MYRIP: variants seen among roughly 807,000 people sequenced by gnomAD.
MYRIP encodes rab effector MyRIP.
In MYRIP, 49 loss-of-function variants were observed where a neutral mutation model predicts 98.0. The ratio of observed to expected loss-of-function variants is 0.50; its 90% CI spans 0.40 to 0.63. MYRIP has a LOEUF of 0.63. Among genes scored for constraint, MYRIP ranks in the 30% least tolerant of loss-of-function variants. The pLI is 0.00. For synonymous variants in MYRIP, 404 were observed against 409.5 expected (o/e 0.99, Z 0.16); for missense variants, 1,004 against 1,058.2 (o/e 0.95, Z 0.71).
intron 11 of MYRIP, among the ~76,000 whole-genome samples, chr3:40,230,732 T>C (rs1390338641): frequency 3.3e-5 from 5 of 152,172 alleles, no homozygotes; most frequent in Admixed American, 2.0e-4. Flanking sequence ...GATTCCAGTT[T>C]GCCTTTCCCA....
Position 40,129,140 on chromosome 3 carries a change from G to GA in MYRIP, c.333-21898dup, listed in dbSNP as rs200546163. Among the ~76,000 whole-genome samples, 1,368 of 147,614 alleles carry GA rather than the reference G, an allele frequency of 9.3e-3. 21 individuals are homozygous for GA. The highest frequency in any genetic ancestry group is 0.029 in the African/African-American group (1,176 of 40,266). On this transcript the variant is annotated intron_variant, in intron 3 of 16. Coordinates refer to ENST00000302541, the MANE Select transcript of MYRIP (RefSeq NM_015460.4). ...AGTGGATTGTGGTCAAAATTTAAAA[G>GA]AAAAAAAAAATCATGACTGGGCACA...
At chr3:40,100,129 T>G (rs1199432449) in intron 3 of MYRIP, 1 of 985,322 alleles carries the variant, frequency 1.0e-6, no homozygotes, top group Non-Finnish European at 1.2e-6. Context: ...TTTCTGGCCA[T>G]GAGGACATGG....
At chr3:39,910,574 A>G (rs1354329087) in intron 2 of MYRIP, among the ~76,000 whole-genome samples, 1 of 152,232 alleles carries the variant, frequency 6.6e-6, no homozygotes, top group Non-Finnish European at 1.5e-5. Context: ...GTGTAGTCTA[A>G]GTGTGAAATA....
chr3:40,036,899 C>T (rs764295753), intron 2 of MYRIP, among the ~76,000 whole-genome samples: 7 of 152,054 alleles, frequency 4.6e-5, no homozygotes, highest in African/African-American at 9.6e-5. Context: ...TTGTTGATGA[C>T]GAGACATCTG....
intron 11 of MYRIP, among the ~76,000 whole-genome samples, chr3:40,223,350 C>G (rs530179936): frequency 1.3e-5 from 2 of 152,244 alleles, no homozygotes; most frequent in South Asian, 4.1e-4. Flanking sequence ...TTTAAAGGTA[C>G]AGTAATTAAA....
chr3:40,209,913 C>G lies in MYRIP; in HGVS notation c.1725C>G (p.Leu575=). ...ISNEARDPQT[L]TDTTEEKRRN... ...ATGAGGCTCGGGATCCCCAGACTCT[C>G]ACAGACACCACAGAGGAGAAACGGA... Residue 575 remains leucine (L), a synonymous_variant, in exon 11 of 17, where the codon CTC becomes CTG. Transcript: ENST00000302541. 6.2e-7 allele frequency: 1 copy of G among 1,613,962 alleles called. No homozygotes were observed. The highest frequency in any genetic ancestry group is 2.2e-5 in the East Asian group (1 of 44,868).
At chr3:40,036,927 T>A (rs982811116) in intron 2 of MYRIP, among the ~76,000 whole-genome samples, 15 of 152,018 alleles carry the variant, frequency 9.9e-5, no homozygotes, top group African/African-American at 3.6e-4. Flanking sequence ...TATACATTAG[T>A]CCAAATATGC....
intron 2 of MYRIP, among the ~76,000 whole-genome samples, chr3:40,031,142 T>C (rs950053440): frequency 1.3e-5 from 2 of 152,232 alleles, no homozygotes; most frequent in South Asian, 2.1e-4. Context: ...AAGATAAAGA[T>C]GTCAGCTGAT....
chr3:40,028,166 C>T (rs1352367192), intron 2 of MYRIP, among the ~76,000 whole-genome samples: 1 of 152,158 alleles, frequency 6.6e-6, no homozygotes, highest in African/African-American at 2.4e-5. Flanking sequence ...ATGCTTTACC[C>T]TCTAACAACC....
At chr3:40,002,915 CATAT>C (rs1034473127) in intron 2 of MYRIP, among the ~76,000 whole-genome samples, 4 of 151,666 alleles carry the variant, frequency 2.6e-5, no homozygotes, top group South Asian at 2.1e-4. Flanking sequence ...TACAAGTATG[CATAT>C]ATAGACATAT....
At chr3:40,203,129 A>G (rs141587994) in intron 10 of MYRIP, among the ~76,000 whole-genome samples, 164 of 151,900 alleles carry the variant, frequency 1.1e-3, no homozygotes, top group African/African-American at 3.8e-3. Context: ...ACAGGGTTTC[A>G]CCATGCTGGC....
At chr3:39,814,318 G>A (rs1940805010) in intron 1 of MYRIP, among the ~76,000 whole-genome samples, 1 of 152,142 alleles carries the variant, frequency 6.6e-6, no homozygotes, top group Admixed American at 6.5e-5. Flanking sequence ...AGCTTGGAAT[G>A]TATTTTACTG....
intron 3 of MYRIP, among the ~76,000 whole-genome samples, chr3:40,062,610 TA>T (rs1948041945): frequency 6.6e-6 from 1 of 152,230 alleles, no homozygotes; most frequent in Admixed American, 6.5e-5. Context: ...CAGATAAGGT[TA>T]ACTCTGGATT....
At chr3:39,989,991 G>T (rs182284160) in intron 2 of MYRIP, among the ~76,000 whole-genome samples, 1 of 152,192 alleles carries the variant, frequency 6.6e-6, no homozygotes, top group Non-Finnish European at 1.5e-5. Flanking sequence ...GAGTCCAAAC[G>T]GCTTAGACAG....
At position 39,905,878 on chromosome 3, in the gene MYRIP, A is replaced by G. The variant is rs971174915; in HGVS notation, c.110+4952A>G. ...AATTAATTGTTTTTATTTCTTTGCT[A>G]TTATTGGAAAGTGGTCTTGAGAGGG... On this transcript the variant is annotated intron_variant, in intron 2 of 16. Transcript: ENST00000302541. 6.6e-5 allele frequency among the ~76,000 whole-genome samples: 10 copies of G among 151,546 alleles called. No homozygotes were observed. The East Asian group carries it at 1.9e-3, about 29-fold the overall frequency.
At chr3:40,127,013 A>G (rs1035019857) in intron 3 of MYRIP, among the ~76,000 whole-genome samples, 3 of 152,240 alleles carry the variant, frequency 2.0e-5, no homozygotes, top group Admixed American at 6.5e-5. Flanking sequence ...TGTAACAAAC[A>G]TGAGTCCCAA....
At chr3:40,069,891 G>T (rs1217051160) in intron 3 of MYRIP, among the ~76,000 whole-genome samples, 1 of 152,192 alleles carries the variant, frequency 6.6e-6, no homozygotes, top group Non-Finnish European at 1.5e-5. Context: ...TGGCCTGGAG[G>T]TTGGGGACCC....
rs1948385053 is a variant in MYRIP at position 40,077,907 on chromosome 3, GCGCCCT to G, written c.332+33637_332+33642del. 2.4e-5 allele frequency among the ~76,000 whole-genome samples: 3 copies of G among 123,856 alleles called. No individual in the cohort carries two copies. In the South Asian group the frequency reaches 7.3e-4, roughly 30 times the overall value. 81.3% of individuals were successfully genotyped at this position (123,856 alleles called of 152,430 possible). ...GCAGGTGGAGCTGCCTGCCAGTCCC[GCGCCCT>G]GCGCCCTGCGCCCGCACTCCTCAGC... On this transcript the variant is annotated intron_variant, in intron 3 of 16. Coordinates refer to ENST00000302541, the MANE Select transcript of MYRIP (RefSeq NM_015460.4).
At chr3:40,026,438 G>A (rs948737876) in intron 2 of MYRIP, among the ~76,000 whole-genome samples, 4 of 152,066 alleles carry the variant, frequency 2.6e-5, no homozygotes. Flanking sequence ...CAATCAATTT[G>A]TACACTTAAC....
Sources: gnomAD v4.1 joint callset for allele counts (sites outside exome capture counted in the v4.1 genomes callset) on GRCh38, gnomAD v4.1.1 for gene constraint, MANE v1.5 for transcripts, NCBI Gene and HGNC (gene_info 2026-07-23, HGNC 2026-07-21) for gene names.